Variants in NFASC observed in about 807,000 individuals in gnomAD.
NFASC encodes neurofascin, also known as neurofascin homolog.
NFASC carries 43 observed loss-of-function variants against 147.5 expected under a neutral mutation model. The ratio of observed to expected loss-of-function variants is 0.29; its 90% CI spans 0.23 to 0.38. NFASC has a LOEUF of 0.38. Among genes scored for constraint, NFASC ranks in the 10% least tolerant of loss-of-function variants. The pLI is 1.00. For missense variants in NFASC, 1,320 were observed against 1,689.0 expected, an observed-to-expected ratio of 0.78 and a Z score of 3.83; for synonymous variants, 622 against 665.5, an observed-to-expected ratio of 0.93 and a Z score of 1.01.
intron 1 of NFASC, among the ~76,000 whole-genome samples, chr1:204,878,498 T>TC (rs1408991547): frequency 1.3e-5 from 2 of 152,250 alleles, no homozygotes; most frequent in East Asian, 3.8e-4. Flanking sequence ...GGCCTGGAGT[T>TC]CCCCTGATAA....
chr1:204,908,331 G>A (rs927008173), intron 1 of NFASC, among the ~76,000 whole-genome samples: 2 of 151,938 alleles, frequency 1.3e-5, no homozygotes, highest in African/African-American at 4.8e-5. Flanking sequence ...TACTTTATGT[G>A]GTAGTAGATT....
intron 1 of NFASC, among the ~76,000 whole-genome samples, chr1:204,909,202 C>G (rs549016560): frequency 6.6e-6 from 1 of 152,344 alleles, no homozygotes; most frequent in South Asian, 2.1e-4. Context: ...TTTCTACCAG[C>G]AACATATGAG....
chr1:204,923,294 A>T (rs2090873103), intron 2 of NFASC, among the ~76,000 whole-genome samples: 1 of 152,000 alleles, frequency 6.6e-6, no homozygotes, highest in African/African-American at 2.4e-5. Flanking sequence ...TGCCATATGG[A>T]GCTGCCCCAA....
chr1:204,997,233 C>G lies in NFASC; in HGVS notation c.2846C>G (p.Thr949Ser). ...ATGAVSSTDA[T>S]AIAATTEATT... ...GGCGCTGTGAGCAGTACCGATGCTA[C>G]TGCCATTGCTGCCACCACCGAAGCC... The change falls in exon 25 of 30, where the codon ACT (threonine) becomes AGT (serine). Residue 949 changes from threonine to serine, a missense_variant. This residue lies in a region of NFASC where 172 missense variants were observed against 165.8 expected (regional missense o/e 1.04). Coordinates refer to ENST00000339876, the MANE Select transcript of NFASC (RefSeq NM_001005388.3). 1 of 1,613,378 alleles carries G rather than the reference C, an allele frequency of 6.2e-7. No homozygotes were observed. The highest frequency in any genetic ancestry group is 8.5e-7 in the Non-Finnish European group (1 of 1,179,794).
intron 2 of NFASC, among the ~76,000 whole-genome samples, chr1:204,935,008 A>T (rs1171827612): frequency 6.6e-6 from 1 of 152,262 alleles, no homozygotes; most frequent in East Asian, 1.9e-4. Flanking sequence ...TTCATGGTGC[A>T]GTTGGGGAAA....
chr1:204,891,267 T>A (rs760295229), intron 1 of NFASC, among the ~76,000 whole-genome samples: 10 of 152,162 alleles, frequency 6.6e-5, no homozygotes, highest in Non-Finnish European at 1.3e-4. Flanking sequence ...AATATGAGGA[T>A]GCCCCCACTT....
intron 8 of NFASC, among the ~76,000 whole-genome samples, chr1:204,966,616 C>T (rs1026669879): frequency 1.3e-5 from 2 of 152,134 alleles, no homozygotes; most frequent in Non-Finnish European, 2.9e-5. Context: ...ACCAATTAAC[C>T]ACATAATGGA....
chr1:204,849,246 T>C (rs1200597673), intron 1 of NFASC, among the ~76,000 whole-genome samples: 1 of 152,226 alleles, frequency 6.6e-6, no homozygotes, highest in Non-Finnish European at 1.5e-5. Context: ...AGTTATTTTA[T>C]GTGAAGTGCT....
chr1:204,881,156 C>T (rs1247723365), intron 1 of NFASC, among the ~76,000 whole-genome samples: 2 of 152,206 alleles, frequency 1.3e-5, no homozygotes, highest in African/African-American at 2.4e-5. Flanking sequence ...GGTGCCTCAG[C>T]ATGGCAGGCA....
At position 204,914,730 on chromosome 1, in the gene NFASC, C is replaced by T. The variant is rs149096585; in HGVS notation, c.-199-5902C>T. Among the ~76,000 whole-genome samples the T allele has an allele frequency of 1.4e-3, 220 of 152,298 alleles. 1 individual carries two copies. The highest frequency in any genetic ancestry group is 5.0e-3 in the African/African-American group (207 of 41,548). ...GGAATGGGAAACAGGAACTCTCATA[C>T]ATTGCTGGTGGTAGTATAAATTGTC... is the stretch of plus-strand genomic sequence containing the variant. On this transcript the variant is annotated intron_variant, in intron 1 of 29. Coordinates refer to ENST00000339876, the MANE Select transcript of NFASC (RefSeq NM_001005388.3).
chr1:204,854,024 G>T (rs192040655), intron 1 of NFASC, among the ~76,000 whole-genome samples: 1 of 152,264 alleles, frequency 6.6e-6, no homozygotes, highest in Admixed American at 6.5e-5. Context: ...CCTAGACATA[G>T]CCATTAGCAT....
intron 2 of NFASC, among the ~76,000 whole-genome samples, chr1:204,924,786 AC>A (rs1486058423): frequency 6.6e-6 from 1 of 152,120 alleles, no homozygotes; most frequent in African/African-American, 2.4e-5. Flanking sequence ...TAGATGTGAA[AC>A]CCCATCTTGT....
At chr1:204,966,888 A>G (rs1366212445) in intron 8 of NFASC, among the ~76,000 whole-genome samples, 1 of 152,024 alleles carries the variant, frequency 6.6e-6, no homozygotes, top group African/African-American at 2.4e-5. Flanking sequence ...TATGAATTGC[A>G]CTCCACCAGT....
At position 204,974,786 on chromosome 1, in the gene NFASC, G is replaced by T. The variant is rs2095358851; in HGVS notation, c.1521G>T (p.Leu507=). ...GIYTCVATNI[L]GKAENQVRLE... ...ACACCTGTGTCGCCACCAACATCCT[G>T]GGCAAAGCTGAAAACCAAGTCCGCC... is the stretch of plus-strand genomic sequence containing the variant. Residue 507 remains leucine, a synonymous_variant, in exon 14 of 30, where the codon CTG becomes CTT. Transcript: ENST00000339876. 1 of 1,614,080 alleles carries T rather than the reference G, an allele frequency of 6.2e-7. No individual in the cohort carries two copies. Among genetic ancestry groups the T allele is most frequent in the Non-Finnish European group, 8.5e-7 (1 of 1,180,040 alleles).
intron 8 of NFASC, among the ~76,000 whole-genome samples, chr1:204,962,450 T>C (rs2094724739): frequency 6.6e-6 from 1 of 152,208 alleles, no homozygotes; most frequent in East Asian, 1.9e-4. Flanking sequence ...GAACTTTTAC[T>C]GAAAAAGTAG....
intron 1 of NFASC, among the ~76,000 whole-genome samples, chr1:204,833,572 T>G (rs1672859071): frequency 6.6e-6 from 1 of 152,098 alleles, no homozygotes. Flanking sequence ...CATTTTTGAA[T>G]GCCTTACTTT....
intron 8 of NFASC, among the ~76,000 whole-genome samples, chr1:204,960,418 A>C (rs2094608089): frequency 6.6e-6 from 1 of 152,180 alleles, no homozygotes; most frequent in Non-Finnish European, 1.5e-5. Flanking sequence ...GTGCCTCCTG[A>C]TGCAATAAGA....
intron 1 of NFASC, among the ~76,000 whole-genome samples, chr1:204,868,280 G>T (rs924645823): frequency 6.6e-6 from 1 of 152,194 alleles, no homozygotes; most frequent in Non-Finnish European, 1.5e-5. Flanking sequence ...ATCTCTTCTG[G>T]TGTGGGAGAG....
chr1:204,954,855 C>T lies in NFASC; in HGVS notation c.439C>T (p.Leu147=), dbSNP rs1558239619. The change falls in exon 7 of 30, where the codon CTA becomes TTA. Residue 147 remains leucine (L), a synonymous_variant. Coordinates refer to ENST00000339876, the MANE Select transcript of NFASC (RefSeq NM_001005388.3). This position sits in a 1 kb window ranked among gnomAD's most constrained non-coding sequence, Gnocchi z 5.7. ...SKSPLWPKEN[L]DPVVVQEGAP... Reference sequence around the variant, plus strand: ...ATCTCCTCTGTGGCCCAAGGAAAACCTAGACCCTGTCGTGGTCCAAGAGGG... The same window carrying T: ...ATCTCCTCTGTGGCCCAAGGAAAACTTAGACCCTGTCGTGGTCCAAGAGGG... 2.5e-6 allele frequency: 4 copies of T among 1,614,202 alleles called. No homozygotes were observed. Among genetic ancestry groups the T allele is most frequent in the Non-Finnish European group, 3.4e-6 (4 of 1,180,026 alleles).
Sources: allele counts gnomAD v4.1 joint callset (sites outside exome capture counted in the v4.1 genomes callset), GRCh38; gene constraint gnomAD v4.1.1; regional missense constraint gnomAD v4.1.1; non-coding constraint Gnocchi (gnomAD v3.1); transcripts MANE v1.5; gene names NCBI Gene and HGNC (gene_info 2026-07-23, HGNC 2026-07-21).